Variants in HHAT observed in about 807,000 individuals in gnomAD.
The protein encoded by HHAT is hedgehog acyltransferase.
Under a neutral mutation model 70.8 loss-of-function variants are expected in HHAT, and 47 were observed. That is an observed-to-expected ratio of 0.66 (90% CI 0.53 to 0.85). HHAT has a LOEUF of 0.85. Among genes scored for constraint, HHAT ranks in the 40% least tolerant of loss-of-function variants. HHAT has a pLI of 0.00. For synonymous variants in HHAT, 228 were observed against 247.6 expected (o/e 0.92, Z 0.74); for missense variants, 609 against 604.8 (o/e 1.01, Z -0.07).
intron 9 of HHAT, among the ~76,000 whole-genome samples, chr1:210,558,938 T>C (rs886123262): frequency 3.3e-5 from 5 of 152,184 alleles, no homozygotes; most frequent in Non-Finnish European, 7.3e-5. Context: ...GTGAGGAGAC[T>C]GTGCTTCTAA....
At chr1:210,399,219 T>C (rs978756386) in intron 4 of HHAT, among the ~76,000 whole-genome samples, 3 of 152,202 alleles carry the variant, frequency 2.0e-5, no homozygotes, top group African/African-American at 7.2e-5. Context: ...GAGTCCTTCC[T>C]GTGTATCCAC....
intron 8 of HHAT, among the ~76,000 whole-genome samples, chr1:210,512,951 T>C (rs111454950): frequency 3.4e-4 from 52 of 152,240 alleles, no homozygotes; most frequent in African/African-American, 1.2e-3. Flanking sequence ...GGAATTGGTA[T>C]GTCTGAGGTG....
chr1:210,602,179 A>G (rs1008462581), intron 10 of HHAT, among the ~76,000 whole-genome samples: 3 of 152,118 alleles, frequency 2.0e-5, no homozygotes, highest in African/African-American at 7.2e-5. Flanking sequence ...GTAAAATGAG[A>G]GTGCTGGCAG....
chr1:210,546,738 G>A (rs934816297), intron 9 of HHAT, among the ~76,000 whole-genome samples: 1 of 152,214 alleles, frequency 6.6e-6, no homozygotes, highest in African/African-American at 2.4e-5. Context: ...AAGCAAGGCA[G>A]TGGTTGCAGT....
At chr1:210,489,698 G>A (rs1176530893) in intron 8 of HHAT, among the ~76,000 whole-genome samples, 1 of 152,164 alleles carries the variant, frequency 6.6e-6, no homozygotes, top group African/African-American at 2.4e-5. Context: ...GAAAAGCTGA[G>A]GTTGTAGGTT....
intron 9 of HHAT, among the ~76,000 whole-genome samples, chr1:210,544,367 G>GTTTTTTTTTTTTTTTTTTTTTTTTCT (rs569514246): frequency 3.3e-5 from 3 of 90,066 alleles, no homozygotes; most frequent in African/African-American, 4.3e-5. Flanking sequence ...TCTTTCTTTC[G>GTTTTTTTTTTTTTTTTTTTTTTTTCT]TTTTTTTTTT....
chr1:210,567,942 A>C (rs566848109), intron 9 of HHAT, among the ~76,000 whole-genome samples: 1 of 152,206 alleles, frequency 6.6e-6, no homozygotes, highest in South Asian at 2.1e-4. Flanking sequence ...TACAACTCCT[A>C]AAATCCTTGG....
At chr1:210,642,255 T>C (rs1377044754) in intron 11 of HHAT, among the ~76,000 whole-genome samples, 1 of 152,242 alleles carries the variant, frequency 6.6e-6, no homozygotes, top group Non-Finnish European at 1.5e-5. Context: ...TTCATTGCTG[T>C]ACAGTATTTC....
At chr1:210,379,585 G>C (rs1457137310) in intron 3 of HHAT, among the ~76,000 whole-genome samples, 1 of 152,102 alleles carries the variant, frequency 6.6e-6, no homozygotes, top group Admixed American at 6.6e-5. Flanking sequence ...CCTTCTTTTG[G>C]ACTGGGTTTG....
intron 9 of HHAT, among the ~76,000 whole-genome samples, chr1:210,547,641 G>A (rs911805157): frequency 4.6e-5 from 7 of 152,140 alleles, no homozygotes; most frequent in Admixed American, 3.3e-4. Context: ...ACACCATTTT[G>A]TGCATAACAC....
chr1:210,598,942 C>T (rs1188854231), intron 10 of HHAT, among the ~76,000 whole-genome samples: 1 of 152,110 alleles, frequency 6.6e-6, no homozygotes, highest in Non-Finnish European at 1.5e-5. Context: ...ATCTTCAACC[C>T]CAAGGCCTTA....
At position 210,549,545 on chromosome 1, in the gene HHAT, C is replaced by T. The variant is rs1430787027; in HGVS notation, c.1043+36357C>T. ...GCTCAAAGGCCATTTGATGGGAAGACATCCATATGCCTACAGGGTCTGGTA... is the reference window on the plus strand; with the variant it reads ...GCTCAAAGGCCATTTGATGGGAAGATATCCATATGCCTACAGGGTCTGGTA... On this transcript the variant is annotated intron_variant, in intron 9 of 11. Coordinates refer to ENST00000261458, the MANE Select transcript of HHAT (RefSeq NM_018194.6). 2.0e-5 allele frequency among the ~76,000 whole-genome samples: 3 copies of T among 148,840 alleles called. 1 individual carries two copies. The highest frequency in any genetic ancestry group is 4.4e-5 in the Non-Finnish European group (3 of 67,898).
At chr1:210,665,771 T>G (rs1678761274) in intron 11 of HHAT, among the ~76,000 whole-genome samples, 1 of 152,190 alleles carries the variant, frequency 6.6e-6, no homozygotes, top group African/African-American at 2.4e-5. Flanking sequence ...TGAGGTGATG[T>G]GGCTTCAAGC....
intron 7 of HHAT, among the ~76,000 whole-genome samples, chr1:210,423,025 A>G (rs1428541269): frequency 6.6e-6 from 1 of 152,338 alleles, no homozygotes; most frequent in Non-Finnish European, 1.5e-5. Context: ...GTGCTACAGT[A>G]AACATGGGGT....
chr1:210,467,891 G>A (rs1261461127), intron 8 of HHAT, among the ~76,000 whole-genome samples: 1 of 152,122 alleles, frequency 6.6e-6, no homozygotes, highest in Non-Finnish European at 1.5e-5. Flanking sequence ...TCAGCAGCCT[G>A]CCGTATCAGA....
chr1:210,383,309 C>T (rs532922361), intron 3 of HHAT, among the ~76,000 whole-genome samples: 29 of 151,596 alleles, frequency 1.9e-4, no homozygotes, highest in African/African-American at 5.8e-4. Context: ...TATTGCACTC[C>T]GGCCTGGGCA....
intron 8 of HHAT, among the ~76,000 whole-genome samples, chr1:210,495,566 TC>T (rs2094623868): frequency 6.6e-6 from 1 of 152,184 alleles, no homozygotes; most frequent in Non-Finnish European, 1.5e-5. Flanking sequence ...GATCCTGTCC[TC>T]CCTCCTTCTC....
intron 7 of HHAT, among the ~76,000 whole-genome samples, chr1:210,449,084 C>T (rs1358020250): frequency 6.6e-6 from 1 of 152,076 alleles, no homozygotes; most frequent in Admixed American, 6.6e-5. Context: ...CATTTAGATG[C>T]AGCGTGTGTT....
chr1:210,393,334 G>A lies in HHAT; in HGVS notation c.273+5753G>A, dbSNP rs1291951495. On this transcript the variant is annotated intron_variant, in intron 4 of 11. Coordinates refer to ENST00000261458, the MANE Select transcript of HHAT (RefSeq NM_018194.6). ...CAAAATCCTCAAGGGCATAGGCCAT[G>A]TCTAGCATCCATACCAATGTTCCCA... Among the ~76,000 whole-genome samples the A allele has an allele frequency of 3.9e-5, 6 of 152,334 alleles. No individual in the cohort carries two copies. In the East Asian group the frequency reaches 1.2e-3, roughly 29 times the overall value.
Sources: allele counts gnomAD v4.1 joint callset (sites outside exome capture counted in the v4.1 genomes callset), GRCh38; gene constraint gnomAD v4.1.1; transcripts MANE v1.5; gene names NCBI Gene and HGNC (gene_info 2026-07-23, HGNC 2026-07-21).